Variants in TCEA3 observed in about 807,000 individuals in gnomAD.
TCEA3 encodes the protein transcription elongation factor A3, also known as transcription elongation factor A protein 3.
A neutral mutation model predicts 44.0 loss-of-function variants in TCEA3; 36 were observed. The observed-to-expected ratio is 0.82, with a 90% CI of 0.63 to 1.08. The LOEUF (loss-of-function observed/expected upper bound fraction) is 1.08, where lower values mean the gene tolerates loss of function less well. Among genes scored for constraint, TCEA3 ranks in the 50% least tolerant of loss-of-function variants. TCEA3 has a pLI of 0.00. For missense variants in TCEA3, 392 were observed against 441.2 expected (o/e 0.89, Z 1.00); for synonymous variants, 162 against 159.7 (o/e 1.01, Z -0.11).
At chr1:23,414,005 T>TAC (rs1173441350) in intron 4 of TCEA3, among the ~76,000 whole-genome samples, 4 of 148,034 alleles carry the variant, frequency 2.7e-5, no homozygotes, top group Non-Finnish European at 4.5e-5. Context: ...TATATATATA[T>TAC]ATATAAATTT....
chr1:23,406,209 GGC>G (rs1639540670), intron 5 of TCEA3, among the ~76,000 whole-genome samples: 1 of 152,192 alleles, frequency 6.6e-6, no homozygotes, highest in African/African-American at 2.4e-5. Context: ...AGCTGGAGCT[GGC>G]TGCCATGTTG....
intron 5 of TCEA3, among the ~76,000 whole-genome samples, chr1:23,405,497 G>A (rs1639518144): frequency 6.6e-6 from 1 of 152,128 alleles, no homozygotes; most frequent in East Asian, 1.9e-4. Flanking sequence ...TTTGGAGGCT[G>A]AGGCAGGAGA....
chr1:23,392,408 T>TA (rs1558030151), intron 8 of TCEA3, among the ~76,000 whole-genome samples: 940 of 5,032 alleles, frequency 0.19, 13 homozygotes, highest in Middle Eastern at 0.25. Context: ...CCACACATCA[T>TA]CATGCACAAT....
At chr1:23,423,092 C>T (rs1640113359) in intron 1 of TCEA3, among the ~76,000 whole-genome samples, 1 of 152,216 alleles carries the variant, frequency 6.6e-6, no homozygotes, top group Non-Finnish European at 1.5e-5. Flanking sequence ...TGAGAAAATG[C>T]TCCCCCAAGA....
In TCEA3 at chr1:23,393,842, G is replaced by A. The variant is rs764193465; in HGVS notation, c.819+37C>T. ...GCACTAGGCAGGGCTAGGGGGACCT[G>A]GCTTCCTGCCTCACCATGCAGATGC... On this transcript the variant is annotated intron_variant, in intron 8 of 10. Transcript: ENST00000450454. 26 of 1,604,602 alleles carry A rather than the reference G, an allele frequency of 1.6e-5. No individual in the cohort carries two copies. The South Asian group carries it at 2.4e-4, about 15-fold the overall frequency.
At chr1:23,409,360 T>C (rs1221350555) in intron 4 of TCEA3, among the ~76,000 whole-genome samples, 1 of 152,204 alleles carries the variant, frequency 6.6e-6, no homozygotes, top group Non-Finnish European at 1.5e-5. Context: ...GGATTAAAGG[T>C]GATTTTTTCC....
At chr1:23,390,204 CA>C (rs1231509298) in intron 8 of TCEA3, among the ~76,000 whole-genome samples, 9 of 152,224 alleles carry the variant, frequency 5.9e-5, no homozygotes, top group Non-Finnish European at 1.2e-4. Flanking sequence ...CGCAGTGGCT[CA>C]CACATGTAAT....
intron 5 of TCEA3, among the ~76,000 whole-genome samples, chr1:23,407,896 G>A (rs747268814): frequency 1.3e-5 from 2 of 152,114 alleles, no homozygotes; most frequent in Non-Finnish European, 2.9e-5. Flanking sequence ...CCCAAATCCA[G>A]AGAGAGCCCA....
chr1:23,383,036 T>C (rs534018513), intron 10 of TCEA3, among the ~76,000 whole-genome samples: 1,589 of 152,252 alleles, frequency 0.01, 38 homozygotes, highest in African/African-American at 0.035. Flanking sequence ...TCCCAGCACT[T>C]TGGGAGGCCG....
chr1:23,408,196 A>G (rs1317219328), intron 5 of TCEA3, among the ~76,000 whole-genome samples: 1 of 152,092 alleles, frequency 6.6e-6, no homozygotes, highest in Non-Finnish European at 1.5e-5. Flanking sequence ...TCCTGACCTC[A>G]AGTGATCCGC....
chr1:23,394,150 G>T, intron 7 of TCEA3, 117 bp from the exon 8 acceptor site: 1 of 1,267,176 alleles, frequency 7.9e-7, no homozygotes, highest in Non-Finnish European at 1.1e-6. Flanking sequence ...TTCTACAGGA[G>T]TTGGGCCCCT....
intron 6 of TCEA3, 76 bp downstream of exon 6, chr1:23,397,716 T>A (rs1639260016): frequency 1.2e-6 from 2 of 1,610,138 alleles, no homozygotes; most frequent in Non-Finnish European, 1.7e-6. Context: ...TGAGAAAGAC[T>A]GAATTTCATC....
rs181958776 is a variant in TCEA3, at chr1:23,395,899, C to T, written c.664+1646G>A. 5.9e-5 allele frequency among the ~76,000 whole-genome samples: 9 copies of T among 151,302 alleles called. No homozygotes were observed. The East Asian group carries it at 1.6e-3, about 26-fold the overall frequency. ...GGAGTGGAACTTTGTACTGGACCAT[C>T]TGCTGTTGTTTCAAACTGGGCTTAA... On this transcript the variant is annotated intron_variant, in intron 7 of 10. Transcript: ENST00000450454.
chr1:23,406,255 T>G (rs919328691), intron 5 of TCEA3, among the ~76,000 whole-genome samples: 1 of 152,220 alleles, frequency 6.6e-6, no homozygotes, highest in African/African-American at 2.4e-5. Context: ...CCGTTGAATC[T>G]TCATAAAACC....
chr1:23,422,683 C>T (rs1025485422), intron 1 of TCEA3, among the ~76,000 whole-genome samples: 1 of 152,158 alleles, frequency 6.6e-6, no homozygotes, highest in Non-Finnish European at 1.5e-5. Context: ...TGGCTCCATG[C>T]TGCAGGGACC....
intron 10 of TCEA3, 109 bp from the exon 11 acceptor site, chr1:23,381,583 G>C: frequency 2.7e-6 from 2 of 747,078 alleles, no homozygotes; most frequent in Non-Finnish European, 4.9e-6. Flanking sequence ...ACAGACCAGA[G>C]TCCAAAGCCC....
intron 1 of TCEA3, among the ~76,000 whole-genome samples, chr1:23,420,593 G>C (rs894369627): frequency 2.0e-5 from 3 of 152,166 alleles, no homozygotes; most frequent in Non-Finnish European, 4.4e-5. Flanking sequence ...TTATGGATAG[G>C]TTCCAGTTTG....
intron 7 of TCEA3, among the ~76,000 whole-genome samples, chr1:23,395,107 G>T (rs1329895658): frequency 6.6e-6 from 1 of 152,236 alleles, no homozygotes; most frequent in Non-Finnish European, 1.5e-5. Context: ...AGGGGAGGTG[G>T]TATTCTTTCT....
rs764617892 is a variant in TCEA3 at position 23,408,771 on chromosome 1, T to C, written c.381-45A>G. ...AAGGAGACTGCTTTGTAGACTAGCA[T>C]CAGTACTGACAGGAAGGTGGGGAGA... On this transcript the variant is annotated intron_variant, in intron 4 of 10. Coordinates refer to ENST00000450454, the MANE Select transcript of TCEA3 (RefSeq NM_003196.3). 9 of 1,537,522 alleles carry C rather than the reference T, an allele frequency of 5.9e-6. No homozygotes were observed. The African/African-American group carries it at 1.1e-4, about 19-fold the overall frequency.
Sources: allele counts gnomAD v4.1 joint callset (sites outside exome capture counted in the v4.1 genomes callset), GRCh38; gene constraint gnomAD v4.1.1; transcripts MANE v1.5; gene names NCBI Gene and HGNC (gene_info 2026-07-23, HGNC 2026-07-21).